The following NFIB variants were observed in gnomAD, a reference collection of about 807,000 sequenced individuals.
NFIB encodes the protein nuclear factor 1 B-type.
In NFIB, 11 loss-of-function variants were observed where a neutral mutation model predicts 61.5. The observed-to-expected ratio is 0.18, with a 90% CI of 0.11 to 0.30. NFIB has a LOEUF of 0.30. NFIB is among the 10% of genes least tolerant of loss of function. The pLI, the probability that NFIB is intolerant of heterozygous loss-of-function variation, is 1.00. For missense variants in NFIB, 471 were observed against 608.9 expected, an observed-to-expected ratio of 0.77 and a Z score of 2.38; for synonymous variants, 260 against 216.5, an observed-to-expected ratio of 1.20 and a Z score of -1.76.
At chr9:14,173,234 T>A (rs866613337) in intron 3 of NFIB, among the ~76,000 whole-genome samples, 1 of 152,126 alleles carries the variant, frequency 6.6e-6, no homozygotes, top group Non-Finnish European at 1.5e-5. Context: ...CACAAAGCGG[T>A]TGGCTGACTT....
chr9:14,207,052 A>T (rs2049814787), intron 2 of NFIB, among the ~76,000 whole-genome samples: 1 of 152,228 alleles, frequency 6.6e-6, no homozygotes, highest in African/African-American at 2.4e-5. Context: ...ACAGTCATTG[A>T]GTATTTGTTT....
rs868142839 is a variant in NFIB at position 14,082,780 on chromosome 9, A to G, written c.*5529T>C. The G allele has an allele frequency of 2.5e-3, 504 of 199,170 alleles. 2 individuals carry two copies. The highest frequency in any genetic ancestry group is 0.011 in the African/African-American group (472 of 43,392). The allele number at this position is 199,170 out of a possible 1,614,324, so 12.3% of individuals were successfully genotyped here. A position where few individuals can be genotyped will look rare whatever the true frequency, so the allele number is the denominator to read the frequency against. ...AAAAGCCATACTTCTTAAAAAAAAA[A>G]AAAAGAAAAAAAAAGACTTCCTTCT... is the stretch of plus-strand genomic sequence containing the variant. On this transcript the variant is annotated 3_prime_UTR_variant, in exon 11 of 11. Transcript: ENST00000380953.
chr9:14,122,401 AG>A (rs2039060532), intron 7 of NFIB, among the ~76,000 whole-genome samples: 1 of 152,210 alleles, frequency 6.6e-6, no homozygotes, highest in African/African-American at 2.4e-5. Flanking sequence ...CTAGGGGATC[AG>A]GACCTCTAGG....
At position 14,083,305 on chromosome 9, in the gene NFIB, T is replaced by C. The variant is rs771109413; in HGVS notation, c.*5004A>G. The C allele has an allele frequency of 1.1e-4, 24 of 225,882 alleles. No individual in the cohort carries two copies. The highest frequency in any genetic ancestry group is 2.0e-4 in the Non-Finnish European group (23 of 113,240). 14.0% of individuals were successfully genotyped at this position (225,882 alleles called of 1,614,324 possible). A position where few individuals can be genotyped will look rare whatever the true frequency, so the allele number is the denominator to read the frequency against. On this transcript the variant is annotated 3_prime_UTR_variant, in exon 11 of 11. Transcript: ENST00000380953. Reference sequence around the variant, plus strand: ...GTCAAAGGGCAAAATCAGTGGTCCATGTTACCCCCCAACTGCAGGGCTCCA... The same window carrying C: ...GTCAAAGGGCAAAATCAGTGGTCCACGTTACCCCCCAACTGCAGGGCTCCA...
the NFIB span, among the ~76,000 whole-genome samples, chr9:14,436,749 C>G: frequency 0.012 from 1,871 of 152,290 alleles, 41 homozygotes; most frequent in African/African-American, 0.042. Context: ...TATTATCACT[C>G]TCCCACTAAT....
chr9:14,097,875 C>CTTTTT (rs71321962), intron 10 of NFIB, among the ~76,000 whole-genome samples: 22 of 110,872 alleles, frequency 2.0e-4, no homozygotes, highest in Middle Eastern at 5.3e-3. Context: ...TTTCTTTTTT[C>CTTTTT]TTTTTTTTTT....
At chr9:14,110,608 G>A (rs2037215409) in intron 10 of NFIB, among the ~76,000 whole-genome samples, 1 of 152,044 alleles carries the variant, frequency 6.6e-6, no homozygotes, top group Admixed American at 6.6e-5. Context: ...TCTTTGTAAA[G>A]TAATGAAAGG....
At chr9:14,531,477 G>A in the NFIB span, among the ~76,000 whole-genome samples, 4 of 152,114 alleles carry the variant, frequency 2.6e-5, no homozygotes, top group Non-Finnish European at 5.9e-5. Context: ...GGGGACAGTC[G>A]CATACTGATG....
At chr9:14,375,479 A>G (rs1419614188) in intron 1 of NFIB, among the ~76,000 whole-genome samples, 1 of 152,162 alleles carries the variant, frequency 6.6e-6, no homozygotes, top group East Asian at 1.9e-4. Flanking sequence ...AACATGGTGA[A>G]ACCCCGTCTC....
At chr9:14,199,769 A>G (rs982152120) in intron 2 of NFIB, among the ~76,000 whole-genome samples, 1 of 151,556 alleles carries the variant, frequency 6.6e-6, no homozygotes, top group Admixed American at 6.6e-5. Flanking sequence ...TGGAGGATCC[A>G]GGATCCATTT....
chr9:14,321,603 C>T (rs2060661282), intron 1 of NFIB, among the ~76,000 whole-genome samples: 1 of 152,118 alleles, frequency 6.6e-6, no homozygotes, highest in African/African-American at 2.4e-5. Context: ...TTTTCCACCA[C>T]TGAGGGGAGA....
intron 6 of NFIB, among the ~76,000 whole-genome samples, chr9:14,130,093 C>T (rs995957607): frequency 3.3e-5 from 5 of 152,020 alleles, no homozygotes; most frequent in African/African-American, 9.7e-5. Flanking sequence ...GTTCTCACCG[C>T]CCTTTTCACT....
At chr9:14,311,276 G>A (rs1224294621) in intron 1 of NFIB, among the ~76,000 whole-genome samples, 1 of 152,020 alleles carries the variant, frequency 6.6e-6, no homozygotes, top group Non-Finnish European at 1.5e-5. Context: ...AACCAATTAA[G>A]AATGATACTC....
At chr9:14,109,100 C>T (rs546098554) in intron 10 of NFIB, among the ~76,000 whole-genome samples, 1 of 152,074 alleles carries the variant, frequency 6.6e-6, no homozygotes, top group African/African-American at 2.4e-5. Flanking sequence ...AGGAAAGAGG[C>T]CTGAAATTAG....
rs1171385032 is a variant in NFIB at position 14,398,829 on chromosome 9, C to T, written c.-198G>A. 13 of 509,780 alleles carry T rather than the reference C, an allele frequency of 2.6e-5. 1 individual carries two copies. Among genetic ancestry groups the T allele is most frequent in the Non-Finnish European group, 3.8e-5 (11 of 290,540 alleles). 31.6% of individuals were successfully genotyped at this position (509,780 alleles called of 1,614,324 possible). A position where few individuals can be genotyped will look rare whatever the true frequency, so the allele number is the denominator to read the frequency against. The stretch of plus-strand genomic sequence containing the variant: ...GCAAGCTGTTAAAAACAAAATAGAA[C>T]AAGAACAAAGGGGTCCTGTACACTC... On this transcript the variant is annotated 5_prime_UTR_variant, in exon 1 of 9. Transcript: ENST00000380934.
intron 1 of NFIB, among the ~76,000 whole-genome samples, chr9:14,391,775 C>A (rs2061625683): frequency 6.6e-6 from 1 of 152,144 alleles, no homozygotes; most frequent in African/African-American, 2.4e-5. Flanking sequence ...AACCCCAAGT[C>A]CAGGGCTGAA....
At chr9:14,279,111 C>CCTTT (rs1563969765) in intron 2 of NFIB, among the ~76,000 whole-genome samples, 2 of 151,964 alleles carry the variant, frequency 1.3e-5, no homozygotes, top group Admixed American at 6.6e-5. Context: ...TTCACAAAGC[C>CCTTT]CTTTCACACA....
intron 2 of NFIB, among the ~76,000 whole-genome samples, chr9:14,248,294 CT>C (rs2055169998): frequency 6.6e-6 from 1 of 151,222 alleles, no homozygotes; most frequent in Non-Finnish European, 1.5e-5. Flanking sequence ...CTGCCCTCCC[CT>C]CTCCTCCACT....
the NFIB span, among the ~76,000 whole-genome samples, chr9:14,473,428 A>G: frequency 2.1e-4 from 32 of 152,312 alleles, no homozygotes; most frequent in East Asian, 2.3e-3. Context: ...AGAAAAGTCA[A>G]TTCAAGCTTG....
Sources: allele counts gnomAD v4.1 joint callset (sites outside exome capture counted in the v4.1 genomes callset), GRCh38; gene constraint gnomAD v4.1.1; transcripts MANE v1.5; gene names NCBI Gene and HGNC (gene_info 2026-07-23, HGNC 2026-07-21).